Variants in CCDC178 observed in about 807,000 individuals in gnomAD.
The protein encoded by CCDC178 is coiled-coil domain containing 178.
A neutral mutation model predicts 117.4 loss-of-function variants in CCDC178; 126 were observed. The ratio of observed to expected loss-of-function variants is 1.07; its 90% CI spans 0.93 to 1.24. The LOEUF is 1.24. Among genes scored for constraint, CCDC178 ranks in the 50% most tolerant of loss-of-function variants. The pLI, the probability that CCDC178 is intolerant of heterozygous loss-of-function variation, is 0.00. For missense variants in CCDC178, 1,030 were observed against 986.9 expected (o/e 1.04, Z -0.59); for synonymous variants, 283 against 313.4 (o/e 0.90, Z 1.02).
At chr18:33,424,103 A>C (rs1037278685) in intron 2 of CCDC178, among the ~76,000 whole-genome samples, 1 of 152,128 alleles carries the variant, frequency 6.6e-6, no homozygotes, top group Non-Finnish European at 1.5e-5. Context: ...TTTTCCAGTA[A>C]ATAGTGCAAA....
chr18:33,290,218 A>C (rs1046278751), intron 12 of CCDC178, among the ~76,000 whole-genome samples: 8 of 152,198 alleles, frequency 5.3e-5, no homozygotes, highest in African/African-American at 1.9e-4. Flanking sequence ...TGTCAAATGA[A>C]ATATTTATGC....
At chr18:33,231,792 G>A (rs1237623295) in intron 15 of CCDC178, among the ~76,000 whole-genome samples, 4 of 152,034 alleles carry the variant, frequency 2.6e-5, no homozygotes, top group Non-Finnish European at 5.9e-5. Flanking sequence ...CCAGCAACAC[G>A]CAGATAGCTG....
intron 21 of CCDC178, among the ~76,000 whole-genome samples, chr18:33,090,336 T>C (rs954759097): frequency 1.4e-4 from 21 of 152,178 alleles, no homozygotes; most frequent in Admixed American, 3.9e-4. Flanking sequence ...AAGGAATTCA[T>C]GTTCAGAAGT....
chr18:33,369,945 A>C, intron 6 of CCDC178, 105 bp downstream of exon 6: 1 of 932,800 alleles, frequency 1.1e-6, no homozygotes, highest in Non-Finnish European at 1.5e-6. Flanking sequence ...AAGCATTCCA[A>C]TTATCATTTA....
At chr18:33,164,745 G>C (rs1399013365) in intron 20 of CCDC178, among the ~76,000 whole-genome samples, 1 of 152,012 alleles carries the variant, frequency 6.6e-6, no homozygotes, top group Non-Finnish European at 1.5e-5. Flanking sequence ...ATAGTATTTG[G>C]AGAAAATCCA....
rs201836087 is a variant in CCDC178, at chr18:33,025,770, G to T, written c.2389-51089C>A. Among the ~76,000 whole-genome samples the T allele has an allele frequency of 6.6e-5, 10 of 152,232 alleles. No individual in the cohort carries two copies. In the East Asian group the frequency reaches 1.9e-3, roughly 29 times the overall value. ...TGTAAAGAAATTTGACTTACACATT[G>T]CTGGTAATAATTGATGGTACAATCG... On this transcript the variant is annotated intron_variant, in intron 21 of 22. Coordinates refer to ENST00000383096, the MANE Select transcript of CCDC178 (RefSeq NM_001105528.4).
chr18:33,096,447 G>T (rs1408933530), intron 20 of CCDC178, among the ~76,000 whole-genome samples: 1 of 149,844 alleles, frequency 6.7e-6, no homozygotes, highest in African/African-American at 2.4e-5. Flanking sequence ...GTGATATACA[G>T]CAAGGAAATT....
chr18:33,381,237 T>C (rs963179015), intron 5 of CCDC178, among the ~76,000 whole-genome samples: 1 of 152,166 alleles, frequency 6.6e-6, no homozygotes, highest in Non-Finnish European at 1.5e-5. Context: ...AATCAGTTTC[T>C]AAGTGCCTGG....
At chr18:33,116,548 T>C (rs893802089) in intron 20 of CCDC178, among the ~76,000 whole-genome samples, 3 of 151,974 alleles carry the variant, frequency 2.0e-5, no homozygotes, top group Non-Finnish European at 2.9e-5. Context: ...CTGGAGTGAG[T>C]TCTCACTCAG....
At chr18:33,258,423 T>C (rs1380782651) in intron 14 of CCDC178, among the ~76,000 whole-genome samples, 1 of 152,120 alleles carries the variant, frequency 6.6e-6, no homozygotes, top group Non-Finnish European at 1.5e-5. Flanking sequence ...TTCATTCCGG[T>C]CTCAATTCCA....
chr18:32,998,216 C>T (rs530853999), intron 21 of CCDC178, among the ~76,000 whole-genome samples: 6 of 152,276 alleles, frequency 3.9e-5, no homozygotes, highest in Admixed American at 2.0e-4. Flanking sequence ...CAGTGCTGCC[C>T]TATTGCAGAG....
chr18:33,003,025 G>A lies in CCDC178; in HGVS notation c.2389-28344C>T, dbSNP rs115164407. Among the ~76,000 whole-genome samples, 1,461 of 152,172 alleles carry A rather than the reference G, an allele frequency of 9.6e-3. 25 individuals are homozygous for A. Among genetic ancestry groups the A allele is most frequent in the African/African-American group, 0.034 (1,403 of 41,538 alleles). ...ACCAAAAGCAAATAGTGAGATTGAA[G>A]CCATAATAAAAAGTCTCCCAGCAAA... is the stretch of plus-strand genomic sequence containing the variant. On this transcript the variant is annotated intron_variant, in intron 21 of 22. Coordinates refer to ENST00000383096, the MANE Select transcript of CCDC178 (RefSeq NM_001105528.4).
At chr18:33,342,082 T>C (rs549298434) in intron 9 of CCDC178, among the ~76,000 whole-genome samples, 2 of 152,284 alleles carry the variant, frequency 1.3e-5, no homozygotes, top group South Asian at 4.1e-4. Context: ...AGGATTCTAG[T>C]AGAGGCAAAA....
intron 20 of CCDC178, among the ~76,000 whole-genome samples, chr18:33,164,113 T>TC (rs1414875734): frequency 2.7e-5 from 4 of 150,654 alleles, no homozygotes; most frequent in Non-Finnish European, 5.9e-5. Flanking sequence ...CTTTTTTTTT[T>TC]TTTTTTTTTT....
Position 33,370,056 on chromosome 18 carries a change from C to T in CCDC178, c.342G>A (p.Leu114=). 1.3e-6 allele frequency: 2 copies of T among 1,580,358 alleles called. No individual in the cohort carries two copies. Among genetic ancestry groups the T allele is most frequent in the East Asian group, 4.7e-5 (2 of 42,418 alleles). ...QDVESKIQEH[L]KRFETSFEEW... ...TTTTAAATTAGTCTCTTACCCTTTT[C>T]AAATGCTCCTGTATTTTGGACTCCA... The change falls in exon 6 of 23, where the codon TTG becomes TTA. Residue 114 remains leucine, a synonymous_variant. Coordinates refer to ENST00000383096, the MANE Select transcript of CCDC178 (RefSeq NM_001105528.4).
chr18:33,409,825 A>G (rs1404663608), intron 3 of CCDC178, among the ~76,000 whole-genome samples: 1 of 152,194 alleles, frequency 6.6e-6, no homozygotes, highest in Non-Finnish European at 1.5e-5. Flanking sequence ...AGCATTTCAA[A>G]TATGGCTTTT....
chr18:32,946,030 A>G (rs1029865022), intron 22 of CCDC178, among the ~76,000 whole-genome samples: 2 of 152,158 alleles, frequency 1.3e-5, no homozygotes, highest in African/African-American at 4.8e-5. Flanking sequence ...TGTGCCATTT[A>G]TGAACTATAC....
At chr18:33,224,162 G>A (rs1443828053) in intron 17 of CCDC178, among the ~76,000 whole-genome samples, 1 of 152,106 alleles carries the variant, frequency 6.6e-6, no homozygotes, top group Non-Finnish European at 1.5e-5. Flanking sequence ...GTGCCGAAAT[G>A]TCTCAAATAA....
chr18:33,186,728 A>G (rs1194047300), intron 20 of CCDC178, among the ~76,000 whole-genome samples: 1 of 150,612 alleles, frequency 6.6e-6, no homozygotes, highest in African/African-American at 2.4e-5. Flanking sequence ...CTTCTGCTAG[A>G]CTGTGATGTT....
Sources: allele counts gnomAD v4.1 joint callset (sites outside exome capture counted in the v4.1 genomes callset), GRCh38; gene constraint gnomAD v4.1.1; transcripts MANE v1.5; gene names NCBI Gene and HGNC (gene_info 2026-07-23, HGNC 2026-07-21).